CACNA2D1: variants seen among roughly 807,000 people sequenced by gnomAD.
The protein encoded by CACNA2D1 is calcium voltage-gated channel auxiliary subunit alpha2delta 1.
A neutral mutation model predicts 171.5 loss-of-function variants in CACNA2D1; 53 were observed. That is an observed-to-expected ratio of 0.31 (90% CI 0.25 to 0.39). The LOEUF is 0.39. Ranked by LOEUF, CACNA2D1 falls within the 10% of genes least tolerant of loss-of-function variation. The probability of loss-of-function intolerance (pLI) is 1.00; values close to 1 mark genes in which losing one functional copy is unlikely to be tolerated. For synonymous variants in CACNA2D1, 442 were observed against 443.1 expected, an observed-to-expected ratio of 1.00 and a Z score of 0.03; for missense variants, 903 against 1,299.8, an observed-to-expected ratio of 0.69 and a Z score of 4.69.
chr7:82,415,495 A>C (rs1314138622), intron 1 of CACNA2D1, among the ~76,000 whole-genome samples: 2 of 151,886 alleles, frequency 1.3e-5, no homozygotes, highest in African/African-American at 2.4e-5. Flanking sequence ...ACGCCACTGC[A>C]CTCTAGCCTG....
intron 10 of CACNA2D1, among the ~76,000 whole-genome samples, chr7:82,043,555 G>T (rs79613924): frequency 6.6e-6 from 1 of 152,250 alleles, no homozygotes; most frequent in East Asian, 1.9e-4. Context: ...TACTTCCAAA[G>T]AAACTTCTTA....
chr7:81,959,390 G>T, intron 37 of CACNA2D1, 33 bp from the exon 38 acceptor site: 1 of 1,415,658 alleles, frequency 7.1e-7, no homozygotes, highest in Non-Finnish European at 1.0e-6. Flanking sequence ...TCTCATGTTA[G>T]TTTTTTTCAC....
intron 4 of CACNA2D1, among the ~76,000 whole-genome samples, chr7:82,158,015 A>AT (rs1474989346): frequency 3.3e-5 from 5 of 151,920 alleles, no homozygotes; most frequent in East Asian, 3.9e-4. Flanking sequence ...TATTCAGCAT[A>AT]GCTGAATATA....
At chr7:81,957,268 A>G (rs1234507495) in intron 38 of CACNA2D1, among the ~76,000 whole-genome samples, 1 of 152,144 alleles carries the variant, frequency 6.6e-6, no homozygotes, top group Non-Finnish European at 1.5e-5. Context: ...ATAAATATTG[A>G]ATATGTTTCA....
At chr7:82,174,042 C>CAAAAAAAAAAAAAAAAAAAAAAAA (rs71093365) in intron 3 of CACNA2D1, among the ~76,000 whole-genome samples, 1 of 45,644 alleles carries the variant, frequency 2.2e-5, no homozygotes, top group Non-Finnish European at 3.9e-5. Context: ...GACCCTGTCT[C>CAAAAAAAAAAAAAAAAAAAAAAAA]AAAAAAAAAA....
At chr7:82,000,702 A>C (rs905202934) in intron 18 of CACNA2D1, among the ~76,000 whole-genome samples, 3 of 142,144 alleles carry the variant, frequency 2.1e-5, no homozygotes, top group Non-Finnish European at 4.6e-5. Context: ...GGTCCAAGCG[A>C]TTCTGCCTCA....
At chr7:82,228,062 C>T (rs142874212) in intron 3 of CACNA2D1, among the ~76,000 whole-genome samples, 62 of 152,064 alleles carry the variant, frequency 4.1e-4, no homozygotes, top group African/African-American at 1.2e-3. Context: ...TATATGGCAA[C>T]GGCAAAGGGA....
chr7:82,249,713 T>C (rs1805394740), intron 3 of CACNA2D1, among the ~76,000 whole-genome samples: 2 of 152,222 alleles, frequency 1.3e-5, no homozygotes. Flanking sequence ...ACCCTTGATG[T>C]GATCTCTATA....
In CACNA2D1 at chr7:82,324,139, T is replaced by C. The variant is rs146341024; in HGVS notation, c.294+10996A>G. Among the ~76,000 whole-genome samples, 7 of 152,092 alleles carry C rather than the reference T, an allele frequency of 4.6e-5. No individual in the cohort carries two copies. In the East Asian group the frequency reaches 1.4e-3, roughly 29 times the overall value. The stretch of plus-strand genomic sequence containing the variant: ...TGGGAGGCTGAGGTGGGCGGATCAC[T>C]TGAGGTCAGGAGTTTGAGACCAGCC... On this transcript the variant is annotated intron_variant, in intron 3 of 38. Transcript: ENST00000356860.
intron 3 of CACNA2D1, among the ~76,000 whole-genome samples, chr7:82,192,482 G>A (rs896114277): frequency 8.6e-6 from 1 of 115,696 alleles, no homozygotes; most frequent in African/African-American, 3.9e-5. Flanking sequence ...GTGTGTGTGT[G>A]TGTGTGTGTG....
At chr7:82,269,133 C>T (rs773940655) in intron 3 of CACNA2D1, among the ~76,000 whole-genome samples, 7 of 152,274 alleles carry the variant, frequency 4.6e-5, no homozygotes, top group Non-Finnish European at 7.4e-5. Context: ...TATCTCCCAT[C>T]GCCTCTATTT....
At chr7:82,096,718 G>A (rs1250743006) in intron 6 of CACNA2D1, among the ~76,000 whole-genome samples, 3 of 149,002 alleles carry the variant, frequency 2.0e-5, no homozygotes, top group Non-Finnish European at 4.5e-5. Context: ...AGATACAGAT[G>A]GCACAAAAGA....
chr7:82,056,367 G>A (rs145474712), intron 10 of CACNA2D1, among the ~76,000 whole-genome samples: 1 of 152,240 alleles, frequency 6.6e-6, no homozygotes, highest in East Asian at 1.9e-4. Context: ...GACCTATGGA[G>A]GTAGGCATGA....
Position 82,117,555 on chromosome 7 carries a change from G to C in CACNA2D1, c.397-382C>G, listed in dbSNP as rs531092788. Reference sequence around the variant, plus strand: ...AATCCCAGCACTTTGGGAGGAAGAGGGGGGCAGATCACTTGAGCCCAGGAG... The same window carrying C: ...AATCCCAGCACTTTGGGAGGAAGAGCGGGGCAGATCACTTGAGCCCAGGAG... On this transcript the variant is annotated intron_variant, in intron 5 of 38. Transcript: ENST00000356860. 1.4e-3 allele frequency among the ~76,000 whole-genome samples: 208 copies of C among 152,244 alleles called. 1 individual carries two copies. The highest frequency in any genetic ancestry group is 1.9e-3 in the Non-Finnish European group (129 of 68,018).
chr7:82,301,049 G>A (rs759571014), intron 3 of CACNA2D1, among the ~76,000 whole-genome samples: 10 of 152,146 alleles, frequency 6.6e-5, no homozygotes, highest in Non-Finnish European at 1.5e-4. Context: ...CAGTTTCATT[G>A]AATTTGCATA....
intron 4 of CACNA2D1, among the ~76,000 whole-genome samples, chr7:82,146,267 C>T (rs1164918824): frequency 6.6e-6 from 1 of 150,942 alleles, no homozygotes; most frequent in Non-Finnish European, 1.5e-5. Flanking sequence ...ACATTCATGA[C>T]GTTCACTAAA....
chr7:82,066,436 G>T lies in CACNA2D1; in HGVS notation c.728+19C>A, dbSNP rs1220017597. The T allele has an allele frequency of 1.2e-6, 2 of 1,608,242 alleles. No homozygotes were observed. Among genetic ancestry groups the T allele is most frequent in the Admixed American group, 1.7e-5 (1 of 59,446 alleles). ...TTCTTGCCTATTTTATCTTTTCATG[G>T]CTAGCTAAAAATTCTTACCATGGTC... On this transcript the variant is annotated intron_variant, in intron 8 of 38. Coordinates refer to ENST00000356860, the MANE Select transcript of CACNA2D1 (RefSeq NM_000722.4).
At position 82,064,446 on chromosome 7, in the gene CACNA2D1, T is replaced by G. The variant is rs1584607032; in HGVS notation, c.729-92A>C. The stretch of plus-strand genomic sequence containing the variant: ...GATATTTACTGACTCTGAGACAAGG[T>G]TTTTTTCCCCAAGCAAAGACCCACT... On this transcript the variant is annotated intron_variant, in intron 8 of 38. Transcript: ENST00000356860. 9 of 937,504 alleles carry G rather than the reference T, an allele frequency of 9.6e-6. No individual in the cohort carries two copies. The East Asian group carries it at 2.1e-4, about 21-fold the overall frequency. 58.1% of individuals were successfully genotyped at this position (937,504 alleles called of 1,614,324 possible).
intron 2 of CACNA2D1, chr7:82,343,027 T>C (rs1477461573): frequency 6.6e-6 from 1 of 152,172 alleles, no homozygotes; most frequent in Non-Finnish European, 1.5e-5. Flanking sequence ...AACATATATA[T>C]ACACACACAT....
Sources: gnomAD v4.1 joint callset for allele counts (sites outside exome capture counted in the v4.1 genomes callset) on GRCh38, gnomAD v4.1.1 for gene constraint, MANE v1.5 for transcripts, NCBI Gene and HGNC (gene_info 2026-07-23, HGNC 2026-07-21) for gene names.